Variants in XKR4 observed in about 807,000 individuals in gnomAD.
XKR4 encodes the protein XK related 4, also known as XK-related protein 4.
Under a neutral mutation model 53.9 loss-of-function variants are expected in XKR4, and 12 were observed. The ratio of observed to expected loss-of-function variants is 0.22; its 90% CI spans 0.14 to 0.36. The LOEUF is 0.36. Among genes scored for constraint, XKR4 ranks in the 10% least tolerant of loss-of-function variants. The probability of loss-of-function intolerance (pLI) is 1.00; values close to 1 mark genes in which losing one functional copy is unlikely to be tolerated. For synonymous variants in XKR4, 354 were observed against 362.4 expected (o/e 0.98, Z 0.26); for missense variants, 799 against 859.5 (o/e 0.93, Z 0.88).
intron 1 of XKR4, among the ~76,000 whole-genome samples, chr8:55,148,219 A>G (rs1482138174): frequency 4.6e-5 from 7 of 152,316 alleles, no homozygotes; most frequent in Admixed American, 1.3e-4. Flanking sequence ...AGCCTGGACA[A>G]CATGGTGTAA....
chr8:55,492,103 T>C (rs1032327487), intron 2 of XKR4, among the ~76,000 whole-genome samples: 1 of 152,204 alleles, frequency 6.6e-6, no homozygotes, highest in African/African-American at 2.4e-5. Context: ...TTAGAAGGTG[T>C]CTCCAGGCAA....
chr8:55,276,888 C>T (rs753598219), intron 1 of XKR4, among the ~76,000 whole-genome samples: 77 of 152,102 alleles, frequency 5.1e-4, no homozygotes, highest in Non-Finnish European at 1.2e-4. Context: ...TAAATCCAGT[C>T]AGACAAACGA....
intron 2 of XKR4, among the ~76,000 whole-genome samples, chr8:55,427,119 T>C (rs1302958387): frequency 1.3e-5 from 2 of 152,240 alleles, no homozygotes; most frequent in Non-Finnish European, 2.9e-5. Context: ...TATAAACATG[T>C]ATTGGATAAT....
chr8:55,322,650 A>G (rs1354665748), intron 1 of XKR4, among the ~76,000 whole-genome samples: 1 of 152,198 alleles, frequency 6.6e-6, no homozygotes, highest in Non-Finnish European at 1.5e-5. Context: ...ATGGCCAGAT[A>G]TTTGTTTAAG....
chr8:55,107,441 A>G (rs1362675729), intron 1 of XKR4, among the ~76,000 whole-genome samples: 2 of 152,200 alleles, frequency 1.3e-5, no homozygotes, highest in East Asian at 3.9e-4. Context: ...AAAGTGGGAA[A>G]GGGAGCTGCA....
chr8:55,185,037 A>T (rs1291527836), intron 1 of XKR4, among the ~76,000 whole-genome samples: 3 of 152,226 alleles, frequency 2.0e-5, no homozygotes, highest in Admixed American at 2.0e-4. Context: ...GTTTAAAATT[A>T]TTAAATAAAA....
intron 2 of XKR4, among the ~76,000 whole-genome samples, chr8:55,387,668 G>A (rs56124970): frequency 0.1 from 15,554 of 152,214 alleles, 1,573 homozygotes; most frequent in African/African-American, 0.26. Context: ...GGAGACCAGG[G>A]CCCAGTATTC....
intron 1 of XKR4, among the ~76,000 whole-genome samples, chr8:55,123,485 C>G (rs1816419538): frequency 6.6e-6 from 1 of 152,320 alleles, no homozygotes; most frequent in East Asian, 1.9e-4. Context: ...CCTTTGAGCC[C>G]AGAGCATAGG....
intron 2 of XKR4, among the ~76,000 whole-genome samples, chr8:55,391,806 A>T (rs1224341572): frequency 3.3e-5 from 5 of 152,206 alleles, no homozygotes; most frequent in Non-Finnish European, 5.9e-5. Context: ...ACTACAAAGA[A>T]ATGACTTGTT....
intron 2 of XKR4, among the ~76,000 whole-genome samples, chr8:55,465,062 C>T (rs1417502221): frequency 6.6e-6 from 1 of 152,048 alleles, no homozygotes; most frequent in Non-Finnish European, 1.5e-5. Context: ...CCATACTGCC[C>T]AAGGTAATTT....
chr8:55,382,950 G>T (rs183140479), intron 2 of XKR4, among the ~76,000 whole-genome samples: 1 of 152,058 alleles, frequency 6.6e-6, no homozygotes, highest in Non-Finnish European at 1.5e-5. Context: ...GAGGCCGGGC[G>T]TGGTGTAATC....
rs571739095 is a variant in XKR4, at chr8:55,244,735, T to G, written c.807-112943T>G. ...AATCACACCAGCATCTGTTATTTTT[T>G]GACTTTTTAATAATATCCATTCTGA... On this transcript the variant is annotated intron_variant, in intron 1 of 2. Coordinates refer to ENST00000327381, the MANE Select transcript of XKR4 (RefSeq NM_052898.2). Among the ~76,000 whole-genome samples the G allele has an allele frequency of 7.9e-5, 12 of 152,300 alleles. No individual in the cohort carries two copies. In the South Asian group the frequency reaches 2.5e-3, roughly 32 times the overall value.
intron 2 of XKR4, chr8:55,453,990 G>T: frequency 1.2e-6 from 1 of 834,762 alleles, no homozygotes. Flanking sequence ...TTATGGAAGC[G>T]GATGACAGGC....
intron 1 of XKR4, among the ~76,000 whole-genome samples, chr8:55,116,667 T>C (rs1816313364): frequency 6.6e-6 from 1 of 152,216 alleles, no homozygotes; most frequent in Non-Finnish European, 1.5e-5. Context: ...TTCCCAGAAA[T>C]GCCTCTTTTC....
chr8:55,302,696 T>C (rs533844856), intron 1 of XKR4, among the ~76,000 whole-genome samples: 1 of 152,318 alleles, frequency 6.6e-6, no homozygotes, highest in African/African-American at 2.4e-5. Flanking sequence ...TAGTTGTCCT[T>C]GAAGAGGTCC....
chr8:55,500,023 A>G (rs1441719063), intron 2 of XKR4, among the ~76,000 whole-genome samples: 1 of 152,156 alleles, frequency 6.6e-6, no homozygotes, highest in African/African-American at 2.4e-5. Flanking sequence ...CAACTCTTCC[A>G]TCTTCCTTCT....
intron 1 of XKR4, among the ~76,000 whole-genome samples, chr8:55,236,853 C>T (rs1004573268): frequency 1.3e-5 from 2 of 152,216 alleles, no homozygotes; most frequent in Non-Finnish European, 2.9e-5. Context: ...GGAAACCAAG[C>T]CACTTTGACC....
At chr8:55,384,331 TG>T (rs1804278942) in intron 2 of XKR4, among the ~76,000 whole-genome samples, 1 of 152,234 alleles carries the variant, frequency 6.6e-6, no homozygotes, top group Non-Finnish European at 1.5e-5. Context: ...AAATGTGTGC[TG>T]GGAAAAATGT....
chr8:55,134,513 T>C (rs537331371), intron 1 of XKR4, among the ~76,000 whole-genome samples: 1 of 152,350 alleles, frequency 6.6e-6, no homozygotes, highest in East Asian at 1.9e-4. Context: ...CATTCATGCA[T>C]TCACTCTCTC....
Sources: gnomAD v4.1 joint callset for allele counts (sites outside exome capture counted in the v4.1 genomes callset) on GRCh38, gnomAD v4.1.1 for gene constraint, MANE v1.5 for transcripts, NCBI Gene and HGNC (gene_info 2026-07-23, HGNC 2026-07-21) for gene names.